Variants in RAD52 observed in about 807,000 individuals in gnomAD.
The protein encoded by RAD52 is DNA repair protein RAD52 homolog.
A neutral mutation model predicts 55.5 loss-of-function variants in RAD52; 47 were observed. The observed-to-expected ratio is 0.85, with a 90% CI of 0.67 to 1.08. The LOEUF (loss-of-function observed/expected upper bound fraction) is 1.08. Among genes scored for constraint, RAD52 ranks in the 50% least tolerant of loss-of-function variants. The pLI, the probability that RAD52 is intolerant of heterozygous loss-of-function variation, is 0.00. For missense variants in RAD52, 468 were observed against 522.8 expected, an observed-to-expected ratio of 0.90 and a Z score of 1.02; for synonymous variants, 184 against 198.9, an observed-to-expected ratio of 0.92 and a Z score of 0.63.
chr12:916,663 G>A lies in RAD52; in HGVS notation c.701C>T (p.Pro234Leu), dbSNP rs749036119. The A allele has an allele frequency of 2.5e-6, 4 of 1,613,944 alleles. No individual in the cohort carries two copies. The highest frequency in any genetic ancestry group is 3.4e-6 in the Non-Finnish European group (4 of 1,179,892). The change falls in exon 8 of 12, where the codon CCG becomes CTG. Residue 234 changes from proline to leucine, a missense_variant. Pro to Leu is a moderately conservative substitution (Grantham distance 98). Coordinates refer to ENST00000358495, the MANE Select transcript of RAD52 (RefSeq NM_134424.4). Reference sequence around the variant, plus strand: ...CCGGGAGCTGCAGTCCTGGTCCGCCGGTATCACAGCATGGCTGGGTCTGGA... The same window carrying A: ...CCGGGAGCTGCAGTCCTGGTCCGCCAGTATCACAGCATGGCTGGGTCTGGA... Reference protein sequence around the residue: ...SPSRPSHAVIPADQDCSSRSL... With the variant: ...SPSRPSHAVILADQDCSSRSL...
intron 5 of RAD52, among the ~76,000 whole-genome samples, chr12:928,842 A>G (rs1216531402): frequency 1.3e-5 from 2 of 152,078 alleles, no homozygotes; most frequent in African/African-American, 4.8e-5. Flanking sequence ...AAAAATTTTT[A>G]TTTTTATACA....
In RAD52 at chr12:913,432, TC is replaced by T. The variant is rs772665164; in HGVS notation, c.1215del (p.Lys406ArgfsTer5). On this transcript the variant is annotated frameshift_variant, in exon 12 of 12. Transcript: ENST00000358495. LOFTEE classifies it high-confidence loss of function. ...QRTTGNWESH[R>X]KSQDMKKRKY... Reference sequence around the variant, plus strand: ...TTCCTTTTCTTCATGTCCTGGCTCTTCCTATGAGATTCCCAGTTTCCTATGG... The same window carrying T: ...TTCCTTTTCTTCATGTCCTGGCTCTTCTATGAGATTCCCAGTTTCCTATGG... 8 of 1,607,318 alleles carry T rather than the reference TC, an allele frequency of 5.0e-6. No homozygotes were observed. In the South Asian group the frequency reaches 6.6e-5, roughly 13 times the overall value.
At position 916,440 on chromosome 12, in the gene RAD52, G is replaced by T; in HGVS notation, c.769C>A (p.Arg257=). 1 of 1,607,422 alleles carries T rather than the reference G, an allele frequency of 6.2e-7. No homozygotes were observed. Reference sequence around the variant, plus strand: ...TGCAGCTGCTTCTGCCGGAGCTTCCGCTGGTGCGTGGCCTCGCTCTCCACG... The same window carrying T: ...TGCAGCTGCTTCTGCCGGAGCTTCCTCTGGTGCGTGGCCTCGCTCTCCACG... ...SAVESEATHQ[R]KLRQKQLQQQ... Residue 257 remains arginine, a synonymous_variant, in exon 9 of 12, where the codon CGG becomes AGG. Transcript: ENST00000358495.
At chr12:956,292 G>A (rs1412562468) in intron 1 of RAD52, among the ~76,000 whole-genome samples, 1 of 152,142 alleles carries the variant, frequency 6.6e-6, no homozygotes, top group Admixed American at 6.6e-5. Flanking sequence ...TGAACCTGTC[G>A]TATAGGCCTC....
upstream of RAD52, among the ~76,000 whole-genome samples, chr12:950,596 A>G (rs960521743): frequency 7.7e-5 from 11 of 142,404 alleles, no homozygotes; most frequent in East Asian, 1.0e-3. Flanking sequence ...AAGTTTTTGT[A>G]GCGACAGGGT....
chr12:927,304 G>T, intron 5 of RAD52, 41 bp from the exon 6 acceptor site: 1 of 1,439,594 alleles, frequency 6.9e-7, no homozygotes, highest in Non-Finnish European at 9.8e-7. Context: ...CACGAGAGCG[G>T]CAGGCGTGCC....
At chr12:980,193 C>T (rs900039413) in intron 1 of RAD52, among the ~76,000 whole-genome samples, 2 of 150,462 alleles carry the variant, frequency 1.3e-5, no homozygotes, top group African/African-American at 2.4e-5. Flanking sequence ...CCATCTTGGC[C>T]AGCGGGGGGT....
chr12:990,952 A>AGTGT (rs138094397), upstream of RAD52: 51,215 of 149,944 alleles, frequency 0.34, 9,054 homozygotes, highest in African/African-American at 0.4. Context: ...TGTGTGTGTG[A>AGTGT]GTGTGTGTGT....
rs541426067 is a variant in RAD52 at position 965,884 on chromosome 12, G to A, written c.-19+23925C>T. The stretch of plus-strand genomic sequence containing the variant: ...GTATTTTTAGTAGAGACAGGGTTTC[G>A]CCTGTTGGCCAGGCTGATCTCGAAC... On this transcript the variant is annotated intron_variant, in intron 1 of 11. Transcript: ENST00000430095. Among the ~76,000 whole-genome samples the A allele has an allele frequency of 7.5e-4, 114 of 152,002 alleles. 1 individual carries two copies. The highest frequency in any genetic ancestry group is 3.7e-3 in the South Asian group (18 of 4,816).
At chr12:920,765 T>C (rs9634161) in intron 7 of RAD52, among the ~76,000 whole-genome samples, 20,546 of 152,104 alleles carry the variant, frequency 0.14, 1,668 homozygotes, top group Middle Eastern at 0.22. Flanking sequence ...AATAAGGCGA[T>C]AGAGTATTTG....
intron 1 of RAD52, among the ~76,000 whole-genome samples, chr12:947,903 CA>C (rs1240013021): frequency 1.6e-4 from 17 of 109,066 alleles, no homozygotes; most frequent in South Asian, 6.0e-4. Context: ...AAAAAAAAAA[CA>C]AAAAAAAAAC....
intron 1 of RAD52, among the ~76,000 whole-genome samples, chr12:969,797 A>G (rs1958816566): frequency 6.6e-6 from 1 of 151,914 alleles, no homozygotes; most frequent in Admixed American, 6.6e-5. Flanking sequence ...CTCTTAAAAA[A>G]AAAAAAAGAT....
intron 1 of RAD52, among the ~76,000 whole-genome samples, chr12:957,466 C>CAAAAAAAAAA (rs71055109): frequency 4.5e-5 from 2 of 44,056 alleles, no homozygotes; most frequent in East Asian, 7.1e-4. Context: ...AACTTCGTCT[C>CAAAAAAAAAA]AAAAAAAAAA....
rs1017466340 is a variant in RAD52 at position 933,117 on chromosome 12, G to T, written c.-18-41C>A. On this transcript the variant is annotated intron_variant, in intron 1 of 11. Coordinates refer to ENST00000358495, the MANE Select transcript of RAD52 (RefSeq NM_134424.4). Reference sequence around the variant, plus strand: ...GCGGAAAAAAAAAACAACCCTCAAAGAATGTTTAAAGTAAAAGGCAAGAGC... The same window carrying T: ...GCGGAAAAAAAAAACAACCCTCAAATAATGTTTAAAGTAAAAGGCAAGAGC... 7 of 1,422,672 alleles carry T rather than the reference G, an allele frequency of 4.9e-6. No individual in the cohort carries two copies. In the African/African-American group the frequency reaches 7.1e-5, roughly 14 times the overall value. The allele number at this position is 1,422,672 out of a possible 1,614,324, so 88.1% of individuals were successfully genotyped here.
upstream of RAD52, among the ~76,000 whole-genome samples, chr12:950,201 C>G (rs1958488302): frequency 6.6e-6 from 1 of 152,212 alleles, no homozygotes; most frequent in African/African-American, 2.4e-5. Flanking sequence ...ATCCAGTCGT[C>G]ACCGGATGGC....
At chr12:983,848 T>C (rs115686746) in intron 1 of RAD52, among the ~76,000 whole-genome samples, 302 of 152,352 alleles carry the variant, frequency 2.0e-3, no homozygotes, top group African/African-American at 7.0e-3. Flanking sequence ...TAACCTTCAT[T>C]ATCTCTTCAG....
Position 916,657 on chromosome 12 carries a change from T to G in RAD52, c.707A>C (p.Asp236Ala). The G allele has an allele frequency of 1.2e-6, 2 of 1,613,738 alleles. No homozygotes were observed. The highest frequency in any genetic ancestry group is 1.7e-6 in the Non-Finnish European group (2 of 1,179,780). ...CGCATACCGGGAGCTGCAGTCCTGG[T>G]CCGCCGGTATCACAGCATGGCTGGG... is the stretch of plus-strand genomic sequence containing the variant. ...SRPSHAVIPA[D>A]QDCSSRSLSS... The change falls in exon 8 of 12, where the codon GAC (aspartate) becomes GCC (alanine). Residue 236 changes from aspartate (D) to alanine (A), a missense_variant. Asp to Ala is a moderately radical substitution (Grantham distance 126). Coordinates refer to ENST00000358495, the MANE Select transcript of RAD52 (RefSeq NM_134424.4).
intron 9 of RAD52, among the ~76,000 whole-genome samples, chr12:914,911 A>C (rs894726287): frequency 2.0e-5 from 3 of 152,206 alleles, no homozygotes; most frequent in Non-Finnish European, 1.5e-5. Context: ...TAACCCCAGC[A>C]CTTTGGGAGG....
chr12:924,324 C>T (rs1024303877), intron 7 of RAD52, among the ~76,000 whole-genome samples: 2 of 149,852 alleles, frequency 1.3e-5, no homozygotes, highest in African/African-American at 2.5e-5. Context: ...GCAGGAGCAT[C>T]GCTGGAACCC....
Sources: gnomAD v4.1 joint callset for allele counts (sites outside exome capture counted in the v4.1 genomes callset) on GRCh38, gnomAD v4.1.1 for gene constraint, MANE v1.5 for transcripts, NCBI Gene and HGNC (gene_info 2026-07-23, HGNC 2026-07-21) for gene names.